The following CPNE8 variants were observed in gnomAD, a reference collection of about 807,000 sequenced individuals.
The protein encoded by CPNE8 is copine 8.
A neutral mutation model predicts 81.5 loss-of-function variants in CPNE8; 45 were observed. The ratio of observed to expected loss-of-function variants is 0.55; its 90% CI spans 0.44 to 0.71. The LOEUF (loss-of-function observed/expected upper bound fraction) is 0.71, where lower values mean the gene tolerates loss of function less well. Among genes scored for constraint, CPNE8 ranks in the 30% least tolerant of loss-of-function variants. The pLI is 0.00. For missense variants in CPNE8, 594 were observed against 672.1 expected (o/e 0.88, Z 1.28); for synonymous variants, 252 against 226.3 (o/e 1.11, Z -1.02).
At chr12:38,693,882 A>G in intron 14 of CPNE8, 44 bp from the exon 15 acceptor site, 3 of 1,491,900 alleles carry the variant, frequency 2.0e-6, no homozygotes, top group Non-Finnish European at 2.7e-6. Context: ...ATTAGGGTAA[A>G]TAAATTTAAC....
chr12:38,842,371 G>A (rs2137045916), intron 4 of CPNE8, among the ~76,000 whole-genome samples: 1 of 152,144 alleles, frequency 6.6e-6, no homozygotes, highest in East Asian at 1.9e-4. Flanking sequence ...GGGGAGAAAT[G>A]ACATCGAATG....
At chr12:38,697,769 T>C (rs189333870) in intron 14 of CPNE8, among the ~76,000 whole-genome samples, 2 of 152,080 alleles carry the variant, frequency 1.3e-5, no homozygotes, top group Non-Finnish European at 2.9e-5. Flanking sequence ...TTAGTTCACG[T>C]GAGAGGTGGT....
intron 14 of CPNE8, among the ~76,000 whole-genome samples, chr12:38,697,805 C>CCT (rs146764675): frequency 1.3e-5 from 2 of 149,986 alleles, no homozygotes; most frequent in South Asian, 2.1e-4. Context: ...GGTACCTCCT[C>CCT]CTCTCTCTCT....
chr12:38,663,072 G>A (rs1938993938), intron 19 of CPNE8, among the ~76,000 whole-genome samples: 1 of 151,966 alleles, frequency 6.6e-6, no homozygotes, highest in African/African-American at 2.4e-5. Context: ...ATCAGGACAT[G>A]AGTAGGCAAA....
chr12:38,902,311 GGAAGGAAAGAAA>G (rs1214580815), intron 1 of CPNE8, among the ~76,000 whole-genome samples: 21 of 32,624 alleles, frequency 6.4e-4, no homozygotes, highest in Admixed American at 4.0e-3. Flanking sequence ...AAGGAAGGAA[GGAAGGAAAGAAA>G]GAAAGAAAGA....
At chr12:38,764,766 A>T (rs1941651094) in intron 8 of CPNE8, among the ~76,000 whole-genome samples, 1 of 152,150 alleles carries the variant, frequency 6.6e-6, no homozygotes, top group Non-Finnish European at 1.5e-5. Context: ...TGCAAAGGGA[A>T]TTTCTTCTCT....
intron 6 of CPNE8, among the ~76,000 whole-genome samples, chr12:38,824,099 T>C (rs1016551301): frequency 6.6e-6 from 1 of 152,146 alleles, no homozygotes; most frequent in Non-Finnish European, 1.5e-5. Flanking sequence ...GAACAGACTA[T>C]TGAAATTGCA....
chr12:38,821,170 A>G (rs569645673), intron 6 of CPNE8, among the ~76,000 whole-genome samples: 1 of 152,310 alleles, frequency 6.6e-6, no homozygotes, highest in East Asian at 1.9e-4. Flanking sequence ...TTAAGCTAAT[A>G]TTCTAATTTT....
intron 7 of CPNE8, 48 bp downstream of exon 7, chr12:38,776,190 C>A: frequency 5.4e-6 from 5 of 929,540 alleles, no homozygotes; most frequent in East Asian, 2.5e-5. Flanking sequence ...TTAGATATAG[C>A]ATTTGAAGTA....
At chr12:38,691,050 G>A (rs1176059190) in intron 15 of CPNE8, among the ~76,000 whole-genome samples, 3 of 152,060 alleles carry the variant, frequency 2.0e-5, no homozygotes, top group Non-Finnish European at 4.4e-5. Context: ...AAATAAAAAT[G>A]TAATACTCCT....
chr12:38,679,558 G>A, intron 16 of CPNE8: 2 of 983,632 alleles, frequency 2.0e-6, no homozygotes, highest in Non-Finnish European at 1.2e-6. Context: ...CTAGGCATAT[G>A]TAATTTGAAA....
At chr12:38,773,620 G>A (rs1271310877) in intron 7 of CPNE8, among the ~76,000 whole-genome samples, 4 of 152,088 alleles carry the variant, frequency 2.6e-5, no homozygotes, top group Non-Finnish European at 5.9e-5. Flanking sequence ...TATGTTCATT[G>A]TACAAGTTAA....
intron 13 of CPNE8, among the ~76,000 whole-genome samples, chr12:38,705,747 A>G (rs1048987472): frequency 6.6e-6 from 1 of 152,104 alleles, no homozygotes; most frequent in East Asian, 1.9e-4. Context: ...GTGGATTTTG[A>G]ATCTGAATGA....
In CPNE8 at chr12:38,675,787, T is replaced by C. The variant is rs757254473; in HGVS notation, c.1375-13A>G. ...GAAGTTTTGAGGCCTTCAAAGAGAA[T>C]ATACAATTAGGTTTCAATTAAGAAA... On this transcript the variant is annotated splice_polypyrimidine_tract_variant and intron_variant, in intron 17 of 19. Transcript: ENST00000331366. The C allele has an allele frequency of 1.9e-6, 3 of 1,543,092 alleles. No individual in the cohort carries two copies. In the East Asian group the frequency reaches 6.8e-5, roughly 35 times the overall value.
chr12:38,866,499 A>G (rs1057209502), intron 3 of CPNE8, among the ~76,000 whole-genome samples: 2 of 152,232 alleles, frequency 1.3e-5, no homozygotes, highest in African/African-American at 2.4e-5. Context: ...TCTCTCCTGT[A>G]TCATTAGCTT....
intron 13 of CPNE8, among the ~76,000 whole-genome samples, chr12:38,703,758 A>T (rs547967281): frequency 6.6e-6 from 1 of 152,340 alleles, no homozygotes; most frequent in South Asian, 2.1e-4. Context: ...TTCAGGATAC[A>T]AAATCATGTA....
At chr12:38,750,043 C>G (rs915027216) in intron 10 of CPNE8, among the ~76,000 whole-genome samples, 2 of 152,104 alleles carry the variant, frequency 1.3e-5, no homozygotes, top group Non-Finnish European at 2.9e-5. Flanking sequence ...CACTGTGATG[C>G]TCTGTGCAGT....
intron 14 of CPNE8, among the ~76,000 whole-genome samples, chr12:38,696,271 C>T (rs1939794362): frequency 6.6e-6 from 1 of 152,004 alleles, no homozygotes; most frequent in Admixed American, 6.6e-5. Flanking sequence ...TCACCTTCTC[C>T]TCCTCCAACT....
At chr12:38,803,487 A>G (rs1942737696) in intron 6 of CPNE8, among the ~76,000 whole-genome samples, 1 of 150,524 alleles carries the variant, frequency 6.6e-6, no homozygotes, top group African/African-American at 2.4e-5. Context: ...TCAATAAATT[A>G]GGTATTGATG....
Sources: allele counts gnomAD v4.1 joint callset (sites outside exome capture counted in the v4.1 genomes callset), GRCh38; gene constraint gnomAD v4.1.1; transcripts MANE v1.5; gene names NCBI Gene and HGNC (gene_info 2026-07-23, HGNC 2026-07-21).